The following AFG3L2 variants were observed in gnomAD, a reference collection of about 807,000 sequenced individuals.
AFG3L2 encodes the protein AFG3 like matrix AAA peptidase subunit 2.
A neutral mutation model predicts 94.5 loss-of-function variants in AFG3L2; 54 were observed. The observed-to-expected ratio is 0.57, with a 90% CI of 0.46 to 0.72. AFG3L2 has a LOEUF of 0.72. Among genes scored for constraint, AFG3L2 ranks in the 30% least tolerant of loss-of-function variants. The pLI, the probability that AFG3L2 is intolerant of heterozygous loss-of-function variation, is 0.00. For missense variants in AFG3L2, 754 were observed against 994.9 expected (o/e 0.76, Z 3.26); for synonymous variants, 377 against 365.5 (o/e 1.03, Z -0.36).
At chr18:12,366,685 C>T (rs1393610668) in intron 5 of AFG3L2, among the ~76,000 whole-genome samples, 3 of 152,074 alleles carry the variant, frequency 2.0e-5, no homozygotes, top group Non-Finnish European at 4.4e-5. Flanking sequence ...GAGAAAAGGG[C>T]GCAAGCAGAG....
chr18:12,360,281 T>A (rs979742262), intron 6 of AFG3L2: 1 of 506,514 alleles, frequency 2.0e-6, no homozygotes, highest in South Asian at 2.7e-5. Context: ...AATATCTCAG[T>A]GGCTCTAAAA....
chr18:12,332,626 T>C (rs1478439972), intron 16 of AFG3L2, among the ~76,000 whole-genome samples: 2 of 151,566 alleles, frequency 1.3e-5, no homozygotes, highest in African/African-American at 4.8e-5. Flanking sequence ...TTCAGCTCTC[T>C]AGATTATTTT....
At chr18:12,369,462 T>C (rs1364910041) in intron 3 of AFG3L2, among the ~76,000 whole-genome samples, 1 of 152,116 alleles carries the variant, frequency 6.6e-6, no homozygotes, top group African/African-American at 2.4e-5. Flanking sequence ...CCAGGTGCAG[T>C]GGTCACGCCT....
At chr18:12,367,222 C>G in intron 4 of AFG3L2, 54 bp downstream of exon 4, 1 of 1,613,066 alleles carries the variant, frequency 6.2e-7, no homozygotes, top group Middle Eastern at 1.7e-4. Flanking sequence ...GCCTCCCAAC[C>G]TTCTCTGGGC....
intron 14 of AFG3L2, 92 bp downstream of exon 14, chr18:12,344,040 C>T (rs749714935): frequency 1.4e-5 from 16 of 1,154,698 alleles, no homozygotes; most frequent in Middle Eastern, 2.8e-4. Context: ...GTTTCTTTCT[C>T]CTTTGCAGGA....
At chr18:12,340,730 G>A (rs541929431) in intron 14 of AFG3L2, among the ~76,000 whole-genome samples, 4 of 152,108 alleles carry the variant, frequency 2.6e-5, no homozygotes, top group African/African-American at 9.6e-5. Flanking sequence ...TGAGTAGCTC[G>A]GATTATAAGC....
Position 12,344,070 on chromosome 18 carries a change from T to C in AFG3L2, c.1779+62A>G, listed in dbSNP as rs748244264. On this transcript the variant is annotated intron_variant, in intron 14 of 16. Coordinates refer to ENST00000269143, the MANE Select transcript of AFG3L2 (RefSeq NM_006796.3). ...GCAGGAGTGTAGCTTGCTTCTTGAGTGACTGCAGCGAGCATCTGCTCACCC... is the reference window on the plus strand; with the variant it reads ...GCAGGAGTGTAGCTTGCTTCTTGAGCGACTGCAGCGAGCATCTGCTCACCC... 8.3e-4 allele frequency: 1,166 copies of C among 1,401,020 alleles called. 1 individual carries two copies. Among genetic ancestry groups the C allele is most frequent in the Non-Finnish European group, 1.1e-3 (1,086 of 988,978 alleles). The allele number at this position is 1,401,020 out of a possible 1,614,324, so 86.8% of individuals were successfully genotyped here. A position where few individuals can be genotyped will look rare whatever the true frequency, so the allele number is the denominator to read the frequency against.
intron 16 of AFG3L2, among the ~76,000 whole-genome samples, chr18:12,333,095 AATC>A (rs1907618296): frequency 1.0e-5 from 1 of 100,030 alleles, no homozygotes; most frequent in Non-Finnish European, 1.9e-5. Context: ...AATAGATTAT[AATC>A]TATTATATAA....
rs1568138236 is a variant in AFG3L2 at position 12,348,387 on chromosome 18, A to G, written c.1553-4T>C. 6.2e-7 allele frequency: 1 copy of G among 1,612,934 alleles called. No homozygotes were observed. The highest frequency in any genetic ancestry group is 1.1e-5 in the South Asian group (1 of 91,056). On this transcript the variant is annotated splice_polypyrimidine_tract_variant and splice_region_variant and intron_variant, in intron 12 of 16. Transcript: ENST00000269143. ...CAGACATTAGCAACATCAGCACCTA[A>G]AAAATGAACACAGAACAGCTTACCC...
chr18:12,369,835 T>C (rs182867719), intron 3 of AFG3L2, among the ~76,000 whole-genome samples: 60 of 151,046 alleles, frequency 4.0e-4, no homozygotes, highest in African/African-American at 1.4e-3. Flanking sequence ...GGCAGGCGGA[T>C]CACAAGGTCA....
chr18:12,329,716 C>T lies in AFG3L2; in HGVS notation c.2243G>A (p.Arg748Lys). 1 of 1,614,176 alleles carries T rather than the reference C, an allele frequency of 6.2e-7. No individual in the cohort carries two copies. Among genetic ancestry groups the T allele is most frequent in the Non-Finnish European group, 8.5e-7 (1 of 1,180,036 alleles). Residue 748 changes from arginine (R) to lysine (K), a missense_variant, in exon 17 of 17, where the codon AGA becomes AAA. Coordinates refer to ENST00000269143, the MANE Select transcript of AFG3L2 (RefSeq NM_006796.3). The stretch of plus-strand genomic sequence containing the variant: ...ATAGGTAGATTTTTCCGCAAATGGT[C>T]TGGGGCCCAAAAGTTCAACCATATC... The part of the protein sequence containing the change: ...KNDMVELLGP[R>K]PFAEKSTYEE...
At chr18:12,332,835 TACACACACAC>T (rs71172073) in intron 16 of AFG3L2, among the ~76,000 whole-genome samples, 2 of 135,318 alleles carry the variant, frequency 1.5e-5, no homozygotes, top group Middle Eastern at 3.8e-3. Context: ...AATTTGCTTA[TACACACACAC>T]ACACACACAC....
intron 16 of AFG3L2, chr18:12,337,083 G>A (rs1907765601): frequency 1.6e-6 from 1 of 606,072 alleles, no homozygotes; most frequent in South Asian, 2.0e-5. Context: ...TTTACTTTGT[G>A]GTTACTGACA....
chr18:12,345,866 T>A (rs1215212548), intron 13 of AFG3L2, among the ~76,000 whole-genome samples: 1 of 152,218 alleles, frequency 6.6e-6, no homozygotes, highest in Admixed American at 6.5e-5. Flanking sequence ...AACAAATTTA[T>A]AGAATAAAAG....
rs1485603697 is a variant in AFG3L2 at position 12,329,187 on chromosome 18, G to A, written c.*378C>T. ...AACTGAGGAGAAACAGGAATGAAGAGTGGGCGACAAAGAGAAAGCATCCCT... is the reference window on the plus strand; with the variant it reads ...AACTGAGGAGAAACAGGAATGAAGAATGGGCGACAAAGAGAAAGCATCCCT... On this transcript the variant is annotated 3_prime_UTR_variant, in exon 17 of 17. Coordinates refer to ENST00000269143, the MANE Select transcript of AFG3L2 (RefSeq NM_006796.3). The A allele has an allele frequency of 1.4e-6, 1 of 702,890 alleles. No individual in the cohort carries two copies. The allele number at this position is 702,890 out of a possible 1,614,324, so 43.5% of individuals were successfully genotyped here. A position where few individuals can be genotyped will look rare whatever the true frequency, so the allele number is the denominator to read the frequency against.
At chr18:12,344,347 G>A in intron 13 of AFG3L2, 100 bp from the exon 14 acceptor site, 3 of 978,726 alleles carry the variant, frequency 3.1e-6, no homozygotes, top group South Asian at 1.3e-5. Flanking sequence ...CTAAAATGGG[G>A]TTTGGAGACT....
At chr18:12,368,573 C>T (rs1247875562) in intron 3 of AFG3L2, among the ~76,000 whole-genome samples, 3 of 152,092 alleles carry the variant, frequency 2.0e-5, no homozygotes, top group East Asian at 1.9e-4. Context: ...TTGTTTTAGA[C>T]GGAGTTTCAC....
chr18:12,350,554 T>G (rs1908283519), intron 12 of AFG3L2, among the ~76,000 whole-genome samples: 1 of 152,214 alleles, frequency 6.6e-6, no homozygotes, highest in Non-Finnish European at 1.5e-5. Context: ...AGGTCAGATG[T>G]GAATTAGTAA....
chr18:12,333,208 T>A (rs1258048755), intron 16 of AFG3L2, among the ~76,000 whole-genome samples: 1 of 121,568 alleles, frequency 8.2e-6, no homozygotes, highest in African/African-American at 3.2e-5. Flanking sequence ...AATAATCTAA[T>A]ATATAATCTA....
Sources: gnomAD v4.1 joint callset for allele counts (sites outside exome capture counted in the v4.1 genomes callset) on GRCh38, gnomAD v4.1.1 for gene constraint, MANE v1.5 for transcripts, NCBI Gene and HGNC (gene_info 2026-07-23, HGNC 2026-07-21) for gene names.